Variants in AP1B1 observed in about 807,000 individuals in gnomAD.
The protein encoded by AP1B1 is AP-1 complex subunit beta-1.
Under a neutral mutation model 104.3 loss-of-function variants are expected in AP1B1, and 36 were observed. That is an observed-to-expected ratio of 0.35 (90% CI 0.26 to 0.46). AP1B1 has a LOEUF of 0.46. AP1B1 is among the 20% of genes least tolerant of loss of function. AP1B1 has a pLI of 1.00. For missense variants in AP1B1, 901 were observed against 1,247.9 expected (o/e 0.72, Z 4.19); for synonymous variants, 504 against 517.5 (o/e 0.97, Z 0.35).
chr22:29,329,757 G>A (rs763983880), intron 21 of AP1B1, 37 bp from the exon 22 acceptor site: 2 of 1,613,154 alleles, frequency 1.2e-6, no homozygotes, highest in South Asian at 1.1e-5. Context: ...GTGACATGCA[G>A]CAACCAAACA....
At chr22:29,375,292 G>A (rs560070523) in intron 1 of AP1B1, among the ~76,000 whole-genome samples, 14 of 139,468 alleles carry the variant, frequency 1.0e-4, no homozygotes, top group Non-Finnish European at 2.0e-4. Context: ...AGAGGTTGTA[G>A]TGAGGTGAGA....
At chr22:29,340,163 TCACCA>T (rs2061693278) in intron 14 of AP1B1, among the ~76,000 whole-genome samples, 1 of 152,124 alleles carries the variant, frequency 6.6e-6, no homozygotes. Flanking sequence ...CAAGTCAGTC[TCACCA>T]CTCCCCTCCC....
At chr22:29,331,262 C>T (rs1441250398) in intron 19 of AP1B1, among the ~76,000 whole-genome samples, 187 bp downstream of exon 19, 1 of 152,176 alleles carries the variant, frequency 6.6e-6, no homozygotes, top group Non-Finnish European at 1.5e-5. Flanking sequence ...CAGACCAGAA[C>T]TGGCCACTAA....
intron 1 of AP1B1, among the ~76,000 whole-genome samples, chr22:29,378,652 A>T (rs965318610): frequency 6.6e-6 from 1 of 150,932 alleles, no homozygotes; most frequent in East Asian, 2.0e-4. Context: ...GAGGTCAGGA[A>T]ATCGAGACCA....
rs368402061 is a variant in AP1B1 at position 29,355,869 on chromosome 22, A to G, written c.716+557T>C. On this transcript the variant is annotated intron_variant, in intron 6 of 22. Transcript: ENST00000357586. ...ACAGAGACCCTGCCAAAAAAAAAAA[A>G]AAAAAGAACAAGCACAGTACTGGCA... Among the ~76,000 whole-genome samples the G allele has an allele frequency of 2.1e-4, 32 of 152,058 alleles. 1 individual carries two copies. Among genetic ancestry groups the G allele is most frequent in the Middle Eastern group, 3.4e-3 (1 of 292 alleles).
At chr22:29,344,106 G>A (rs1034916766) in intron 11 of AP1B1, among the ~76,000 whole-genome samples, 8 of 133,430 alleles carry the variant, frequency 6.0e-5, no homozygotes, top group African/African-American at 2.4e-4. Context: ...GCGAGACTTT[G>A]TCTCAAAAAA....
intron 4 of AP1B1, 104 bp downstream of exon 4, chr22:29,359,720 G>T: frequency 6.8e-7 from 1 of 1,469,960 alleles, no homozygotes; most frequent in South Asian, 1.4e-5. Flanking sequence ...GCAGTCTGAA[G>T]GTCTGGACTC....
At chr22:29,374,796 T>C (rs1462605739) in intron 1 of AP1B1, among the ~76,000 whole-genome samples, 2 of 152,208 alleles carry the variant, frequency 1.3e-5, no homozygotes, top group East Asian at 1.9e-4. Context: ...ACTACGTAGA[T>C]ACAAAATTAT....
chr22:29,341,659 T>G lies in AP1B1; in HGVS notation c.1638A>C (p.Pro546=). Residue 546 remains proline (P), a synonymous_variant, in exon 13 of 23, where the codon CCA becomes CCC. Transcript: ENST00000357586. The part of the protein sequence containing the change: ...AAKEVVLAEK[P]LISEETDLIE... ...TGAGGTCCGTCTCTTCAGAGATGAG[T>G]GGCTTCTCAGCCAACACCACCTCCT... 1.2e-6 allele frequency: 2 copies of G among 1,614,138 alleles called. No homozygotes were observed. The highest frequency in any genetic ancestry group is 1.7e-6 in the Non-Finnish European group (2 of 1,180,004).
rs372583527 is a variant in AP1B1, at chr22:29,349,369, A to G, written c.1286T>C (p.Ile429Thr). The change falls in exon 11 of 23, where the codon ATT becomes ACT. Residue 429 changes from isoleucine (I) to threonine (T), a missense_variant. Ile to Thr is a moderately conservative substitution (Grantham distance 89). Coordinates refer to ENST00000357586, the MANE Select transcript of AP1B1 (RefSeq NM_001127.4). ...GTCCAGATTCTCACACAGTGTGGCA[A>G]TCACACTCTCATACCTGGGAGACCA... Reference protein sequence around the residue: ...RKYPNKYESVIATLCENLDSL... With the variant: ...RKYPNKYESVTATLCENLDSL... The G allele has an allele frequency of 1.2e-6, 2 of 1,613,800 alleles. No individual in the cohort carries two copies. The highest frequency in any genetic ancestry group is 2.7e-5 in the African/African-American group (2 of 74,936).
chr22:29,340,040 C>T (rs938839605), intron 14 of AP1B1, among the ~76,000 whole-genome samples: 1 of 152,134 alleles, frequency 6.6e-6, no homozygotes, highest in Admixed American at 6.5e-5. Flanking sequence ...CACCAGTGTC[C>T]TGCCCCCGTG....
At chr22:29,367,175 T>C (rs201973057) in intron 2 of AP1B1, 32 bp downstream of exon 2, 180 of 1,605,338 alleles carry the variant, frequency 1.1e-4, no homozygotes, top group East Asian at 7.4e-4. Flanking sequence ...AGAGAAAGCA[T>C]AGGACAAGGC....
intron 1 of AP1B1, among the ~76,000 whole-genome samples, chr22:29,373,525 T>G (rs567617792): frequency 6.6e-6 from 1 of 152,112 alleles, no homozygotes; most frequent in South Asian, 2.1e-4. Flanking sequence ...GCCCCTGCAG[T>G]AAGGGAAATG....
chr22:29,371,332 G>A (rs1405612130), intron 1 of AP1B1, among the ~76,000 whole-genome samples: 1 of 152,176 alleles, frequency 6.6e-6, no homozygotes. Context: ...GTTTTTCCTG[G>A]CACCTGCTTG....
Position 29,328,664 on chromosome 22 carries a change from C to G in AP1B1, c.*157G>C. On this transcript the variant is annotated 3_prime_UTR_variant, in exon 23 of 23. Coordinates refer to ENST00000357586, the MANE Select transcript of AP1B1 (RefSeq NM_001127.4). This position sits in a 1 kb window ranked among gnomAD's most constrained non-coding sequence, Gnocchi z 4.1. ...CACCCCAGGAGGGGGTGGTGCCCTA[C>G]CCCAGGGATCGGGTGGGTTCTGCCA... 1 of 902,282 alleles carries G rather than the reference C, an allele frequency of 1.1e-6. No homozygotes were observed. Among genetic ancestry groups the G allele is most frequent in the South Asian group, 1.7e-5 (1 of 58,934 alleles). 55.9% of individuals were successfully genotyped at this position (902,282 alleles called of 1,614,324 possible).
At chr22:29,351,342 A>G in intron 8 of AP1B1, 76 bp from the exon 9 acceptor site, 1 of 1,445,030 alleles carries the variant, frequency 6.9e-7, no homozygotes, top group Non-Finnish European at 9.8e-7. Flanking sequence ...GGCAGTGAAT[A>G]TACACAGACT....
intron 1 of AP1B1, among the ~76,000 whole-genome samples, chr22:29,369,278 G>A (rs976121396): frequency 3.9e-5 from 6 of 152,084 alleles, no homozygotes; most frequent in African/African-American, 1.4e-4. Context: ...ATTTATGGCA[G>A]GATGGCACTG....
In AP1B1 at chr22:29,328,925, A is replaced by C. The variant is rs772922184; in HGVS notation, c.2776-30T>G. On this transcript the variant is annotated intron_variant, in intron 22 of 22. Transcript: ENST00000357586. The surrounding 1 kb of genome is among the most constrained non-coding windows in gnomAD (Gnocchi z 4.1). ...AGGGGAGAGAGGGGTCGGGGGAAAG[A>C]GCGCTCATCCCTGGGGTTCCTCTCA... The C allele has an allele frequency of 7.8e-5, 125 of 1,595,408 alleles. No individual in the cohort carries two copies. The highest frequency in any genetic ancestry group is 9.5e-5 in the Non-Finnish European group (112 of 1,173,740).
In AP1B1 at chr22:29,356,740, G is replaced by C. The variant is rs1006258275; in HGVS notation, c.526-124C>G. 3 of 926,050 alleles carry C rather than the reference G, an allele frequency of 3.2e-6. No individual in the cohort carries two copies. The African/African-American group carries it at 5.0e-5, about 15-fold the overall frequency. The allele number at this position is 926,050 out of a possible 1,614,324, so 57.4% of individuals were successfully genotyped here. A position where few individuals can be genotyped will look rare whatever the true frequency, so the allele number is the denominator to read the frequency against. On this transcript the variant is annotated intron_variant, in intron 5 of 22. Coordinates refer to ENST00000357586, the MANE Select transcript of AP1B1 (RefSeq NM_001127.4). Reference sequence around the variant, plus strand: ...GAAAGGAATATGACCCAATGGGCAGGGTCTGGAGCTGCAACGAGACCCACT... The same window carrying C: ...GAAAGGAATATGACCCAATGGGCAGCGTCTGGAGCTGCAACGAGACCCACT...
Sources: gnomAD v4.1 joint callset for allele counts (sites outside exome capture counted in the v4.1 genomes callset) on GRCh38, gnomAD v4.1.1 for gene constraint, Gnocchi (gnomAD v3.1) non-coding constraint, MANE v1.5 for transcripts, NCBI Gene and HGNC (gene_info 2026-07-23, HGNC 2026-07-21) for gene names.